The following XIRP2 variants were observed in gnomAD, a reference collection of about 807,000 sequenced individuals.
XIRP2 encodes the protein xin actin binding repeat containing 2.
Under a neutral mutation model 277.0 loss-of-function variants are expected in XIRP2, and 236 were observed. The ratio of observed to expected loss-of-function variants is 0.85; its 90% CI spans 0.77 to 0.95. The LOEUF (loss-of-function observed/expected upper bound fraction) is 0.95. Among genes scored for constraint, XIRP2 ranks in the 40% least tolerant of loss-of-function variants. The pLI, the probability that XIRP2 is intolerant of heterozygous loss-of-function variation, is 0.00. For synonymous variants in XIRP2, 1,490 were observed against 1,416.5 expected (o/e 1.05, Z -1.17); for missense variants, 4,640 against 4,157.5 (o/e 1.12, Z -3.19).
rs548489310 is a variant in XIRP2 at position 167,032,811 on chromosome 2, T to A, written c.409-103098T>A. On this transcript the variant is annotated intron_variant, in intron 2 of 10. Transcript: ENST00000409195. ...AGGAAACAACAGATGCTGGAGAAGATGTGGAGAAACAGGAATGCTTTTACA... is the reference window on the plus strand; with the variant it reads ...AGGAAACAACAGATGCTGGAGAAGAAGTGGAGAAACAGGAATGCTTTTACA... 2.6e-5 allele frequency among the ~76,000 whole-genome samples: 4 copies of A among 152,310 alleles called. No individual in the cohort carries two copies. In the South Asian group the frequency reaches 8.3e-4, roughly 32 times the overall value.
intron 3 of XIRP2, among the ~76,000 whole-genome samples, chr2:167,190,679 C>A (rs540694675): frequency 6.6e-6 from 1 of 152,106 alleles, no homozygotes. Context: ...AAAACAATGA[C>A]AATTAGGCAA....
chr2:167,258,990 C>T lies in XIRP2; in HGVS notation c.*1173C>T, dbSNP rs1695757335. The stretch of plus-strand genomic sequence containing the variant: ...GTAAAGGGGGGAAGTTCAATCATCT[C>T]TCCTGATACAAATCTCTTAAACATT... On this transcript the variant is annotated 3_prime_UTR_variant, in exon 11 of 11. Transcript: ENST00000409195. 2 of 1,611,326 alleles carry T rather than the reference C, an allele frequency of 1.2e-6. No individual in the cohort carries two copies. The highest frequency in any genetic ancestry group is 2.7e-5 in the African/African-American group (2 of 74,770).
chr2:166,930,685 CT>C (rs1343049643), intron 2 of XIRP2, among the ~76,000 whole-genome samples: 1 of 152,128 alleles, frequency 6.6e-6, no homozygotes, highest in Non-Finnish European at 1.5e-5. Context: ...TGGTAATTCA[CT>C]TTAACTCCTA....
chr2:167,189,214 A>G (rs1323987313), intron 3 of XIRP2, among the ~76,000 whole-genome samples: 1 of 152,124 alleles, frequency 6.6e-6, no homozygotes, highest in African/African-American at 2.4e-5. Flanking sequence ...TAACTTCAAT[A>G]CTGGGAACCG....
At chr2:167,192,792 A>G (rs1327989446) in intron 3 of XIRP2, among the ~76,000 whole-genome samples, 1 of 152,164 alleles carries the variant, frequency 6.6e-6, no homozygotes, top group Non-Finnish European at 1.5e-5. Context: ...AGGAAATAGG[A>G]CAAGGGAGGC....
intron 3 of XIRP2, among the ~76,000 whole-genome samples, chr2:167,136,461 A>G (rs1316767705): frequency 6.6e-6 from 1 of 152,218 alleles, no homozygotes; most frequent in Non-Finnish European, 1.5e-5. Flanking sequence ...AAAAAAATAA[A>G]TAAGATGCCT....
rs1337064056 is a variant in XIRP2 at position 167,258,427 on chromosome 2, A to G, written c.*610A>G. The G allele has an allele frequency of 5.0e-6, 8 of 1,613,372 alleles. No homozygotes were observed. In the East Asian group the frequency reaches 8.9e-5, roughly 18 times the overall value. On this transcript the variant is annotated 3_prime_UTR_variant, in exon 11 of 11. Coordinates refer to ENST00000409195, the MANE Select transcript of XIRP2 (RefSeq NM_152381.6). Reference sequence around the variant, plus strand: ...AAGAAATGAAAATGCCTGAAGGAAGAAAAGATGAAAAGAAGGAAGGAAGGA... The same window carrying G: ...AAGAAATGAAAATGCCTGAAGGAAGGAAAGATGAAAAGAAGGAAGGAAGGA...
rs1248829915 is a variant in XIRP2, at chr2:167,245,973, G to A, written c.4581G>A (p.Trp1527Ter). The A allele has an allele frequency of 6.2e-7, 1 of 1,613,474 alleles. No homozygotes were observed. Among genetic ancestry groups the A allele is most frequent in the Non-Finnish European group, 8.5e-7 (1 of 1,179,686 alleles). Residue 1527 changes from tryptophan to a stop codon, truncating the protein, a stop_gained, in exon 9 of 11, where the codon TGG becomes TGA. Coordinates refer to ENST00000409195, the MANE Select transcript of XIRP2 (RefSeq NM_152381.6). LOFTEE classifies it high-confidence loss of function. Reference sequence around the variant, plus strand: ...CTTCTGATGTCAAAACAACCACATGGCTCTTTGAAACAACACCACTTCATG... The same window carrying A: ...CTTCTGATGTCAAAACAACCACATGACTCTTTGAAACAACACCACTTCATG... Reference protein sequence around the residue: ...IPPSDVKTTTWLFETTPLHEF... With the variant: ...IPPSDVKTTT
intron 2 of XIRP2, among the ~76,000 whole-genome samples, chr2:166,941,707 CAT>C (rs1302431159): frequency 2.6e-5 from 4 of 152,094 alleles, no homozygotes; most frequent in African/African-American, 4.8e-5. Context: ...GAAGTTTCTA[CAT>C]ATGTTTCTTC....
chr2:167,196,574 C>T (rs1469489923), intron 3 of XIRP2, among the ~76,000 whole-genome samples: 3 of 152,010 alleles, frequency 2.0e-5, no homozygotes, highest in Non-Finnish European at 4.4e-5. Context: ...TTGTGTTCCT[C>T]CTTCTGTGAG....
In XIRP2 at chr2:167,024,014, G is replaced by T. The variant is rs370858280; in HGVS notation, c.409-111895G>T. ...GAAGAAAGTCATTGGTAGCTTGATG[G>T]GGATGGCATTGAATCTATAAATTAC... On this transcript the variant is annotated intron_variant, in intron 2 of 10. Transcript: ENST00000409195. Among the ~76,000 whole-genome samples the T allele has an allele frequency of 4.4e-3, 665 of 152,158 alleles. 10 individuals are homozygous for T. Among genetic ancestry groups the T allele is most frequent in the South Asian group, 0.031 (149 of 4,812 alleles).
intron 2 of XIRP2, among the ~76,000 whole-genome samples, chr2:167,039,620 GAGAA>G (rs1188176709): frequency 1.3e-5 from 2 of 152,150 alleles, no homozygotes; most frequent in Non-Finnish European, 2.9e-5. Flanking sequence ...GTGGTATGGA[GAGAA>G]TGTGGGAAAT....
At chr2:167,052,630 T>C (rs1462025265) in intron 2 of XIRP2, among the ~76,000 whole-genome samples, 1 of 152,166 alleles carries the variant, frequency 6.6e-6, no homozygotes, top group Non-Finnish European at 1.5e-5. Context: ...TTTATTTACT[T>C]AAGGATAGCA....
At chr2:166,983,341 T>C (rs1259969559) in intron 2 of XIRP2, among the ~76,000 whole-genome samples, 6 of 152,266 alleles carry the variant, frequency 3.9e-5, no homozygotes, top group African/African-American at 1.4e-4. Flanking sequence ...TCCCAAGTTT[T>C]TGTTTCTTGT....
intron 2 of XIRP2, among the ~76,000 whole-genome samples, chr2:167,083,877 C>T (rs995469956): frequency 1.3e-5 from 2 of 151,866 alleles, no homozygotes; most frequent in Non-Finnish European, 2.9e-5. Flanking sequence ...ACAATCATGT[C>T]GTCTGCAAAC....
Position 167,250,649 on chromosome 2 carries a change from C to T in XIRP2, c.9257C>T (p.Ala3086Val). Residue 3086 changes from alanine (A) to valine (V), a missense_variant, in exon 9 of 11, where the codon GCT (alanine) becomes GTT (valine). By Grantham distance (64) the Ala-to-Val change is moderately conservative (BLOSUM62 0). Transcript: ENST00000409195. The part of the protein sequence containing the change: ...KEKTVQHQVA[A>V]HHEATVRSHV... ...AAAACAGTACAGCACCAAGTAGCAG[C>T]TCATCATGAAGCAACTGTTCGTAGT... 1 of 1,613,470 alleles carries T rather than the reference C, an allele frequency of 6.2e-7. No individual in the cohort carries two copies. The highest frequency in any genetic ancestry group is 8.5e-7 in the Non-Finnish European group (1 of 1,179,700).
intron 2 of XIRP2, among the ~76,000 whole-genome samples, chr2:166,929,636 CT>C (rs1033986802): frequency 1.4e-4 from 21 of 151,416 alleles, no homozygotes; most frequent in African/African-American, 4.6e-4. Flanking sequence ...AGGGTCAGTA[CT>C]TTTTTTTTCC....
intron 2 of XIRP2, among the ~76,000 whole-genome samples, chr2:166,945,703 C>A (rs1685843754): frequency 2.7e-5 from 3 of 110,246 alleles, no homozygotes. Flanking sequence ...TGGAGTTTCA[C>A]TCTTGTTGCC....
intron 3 of XIRP2, among the ~76,000 whole-genome samples, chr2:167,163,753 G>A (rs1692437622): frequency 1.3e-5 from 2 of 152,076 alleles, no homozygotes; most frequent in African/African-American, 4.8e-5. Flanking sequence ...AGATATTTCT[G>A]TGCTTTCCTC....
Sources: gnomAD v4.1 joint callset for allele counts (sites outside exome capture counted in the v4.1 genomes callset) on GRCh38, gnomAD v4.1.1 for gene constraint, MANE v1.5 for transcripts, NCBI Gene and HGNC (gene_info 2026-07-23, HGNC 2026-07-21) for gene names.